SEMA3A: variants seen among roughly 807,000 people sequenced by gnomAD.
The protein encoded by SEMA3A is semaphorin-3A.
In SEMA3A, 29 loss-of-function variants were observed where a neutral mutation model predicts 97.9. The observed-to-expected ratio is 0.30, with a 90% CI of 0.22 to 0.40. The LOEUF (loss-of-function observed/expected upper bound fraction) is 0.40, where lower values mean the gene tolerates loss of function less well. Ranked by LOEUF, SEMA3A falls within the 10% of genes least tolerant of loss-of-function variation. The pLI is 1.00. For missense variants in SEMA3A, 763 were observed against 951.3 expected (o/e 0.80, Z 2.60); for synonymous variants, 321 against 323.7 (o/e 0.99, Z 0.09).
chr7:84,142,407 C>G (rs1446043596), intron 1 of SEMA3A, among the ~76,000 whole-genome samples: 1 of 151,962 alleles, frequency 6.6e-6, no homozygotes, highest in Admixed American at 6.6e-5. Flanking sequence ...GAGTTCATTC[C>G]CATTTTTTTC....
chr7:84,096,872 T>C (rs1023462764), intron 4 of SEMA3A, among the ~76,000 whole-genome samples: 2 of 152,134 alleles, frequency 1.3e-5, no homozygotes, highest in Non-Finnish European at 2.9e-5. Flanking sequence ...TAAATTATTA[T>C]ACATTTCTAG....
intron 6 of SEMA3A, among the ~76,000 whole-genome samples, chr7:84,037,900 T>C (rs1791998574): frequency 6.6e-6 from 1 of 152,112 alleles, no homozygotes; most frequent in South Asian, 2.1e-4. Context: ...CTAATTTCTT[T>C]AGTCATGTAG....
intron 3 of SEMA3A, among the ~76,000 whole-genome samples, chr7:84,266,202 TC>T (rs568283817): frequency 2.7e-5 from 4 of 147,196 alleles, no homozygotes; most frequent in Non-Finnish European, 5.9e-5. Context: ...ACTCCTGTAA[TC>T]CCAGCTACTC....
intron 1 of SEMA3A, among the ~76,000 whole-genome samples, chr7:84,139,147 G>A (rs1796226381): frequency 6.6e-6 from 1 of 152,054 alleles, no homozygotes; most frequent in Admixed American, 6.6e-5. Context: ...AATGTGAAAT[G>A]TGTGTTATTC....
At chr7:84,251,245 T>C (rs1014067366) in intron 3 of SEMA3A, among the ~76,000 whole-genome samples, 1 of 152,216 alleles carries the variant, frequency 6.6e-6, no homozygotes, top group Non-Finnish European at 1.5e-5. Context: ...TCAGAAGCAT[T>C]GGTTAAAATG....
chr7:84,124,741 A>T (rs1795739261), intron 3 of SEMA3A, among the ~76,000 whole-genome samples: 1 of 152,158 alleles, frequency 6.6e-6, no homozygotes, highest in South Asian at 2.1e-4. Context: ...TCCAATAGCT[A>T]TTTCTAAAAT....
intron 1 of SEMA3A, among the ~76,000 whole-genome samples, chr7:84,429,139 A>G (rs1330590791): frequency 6.6e-6 from 1 of 152,034 alleles, no homozygotes; most frequent in African/African-American, 2.4e-5. Flanking sequence ...GCTGAGATCA[A>G]TTAGCATAAT....
chr7:83,991,392 T>C (rs1789922278), intron 12 of SEMA3A, among the ~76,000 whole-genome samples: 1 of 151,618 alleles, frequency 6.6e-6, no homozygotes, highest in Non-Finnish European at 1.5e-5. Context: ...ATCCCTGTCT[T>C]GTGCCAGTTT....
At chr7:84,390,953 C>G (rs1803553953) in intron 1 of SEMA3A, among the ~76,000 whole-genome samples, 1 of 152,068 alleles carries the variant, frequency 6.6e-6, no homozygotes, top group African/African-American at 2.4e-5. Flanking sequence ...AGTTTGAAAG[C>G]AAAGAGAAAA....
intron 2 of SEMA3A, among the ~76,000 whole-genome samples, chr7:84,359,716 G>T (rs1584263523): frequency 1.3e-5 from 2 of 151,986 alleles, no homozygotes; most frequent in Admixed American, 6.6e-5. Flanking sequence ...AGGAATGGGA[G>T]GAGCTCCTCC....
At chr7:84,344,173 G>A (rs910785265) in intron 2 of SEMA3A, among the ~76,000 whole-genome samples, 12 of 152,168 alleles carry the variant, frequency 7.9e-5, no homozygotes, top group South Asian at 2.1e-4. Flanking sequence ...ATGTTTGTCC[G>A]TATACTCAGT....
intron 2 of SEMA3A, among the ~76,000 whole-genome samples, chr7:84,348,800 TG>T (rs1275487499): frequency 2.6e-5 from 4 of 152,090 alleles, no homozygotes; most frequent in Non-Finnish European, 4.4e-5. Flanking sequence ...CTGGCCAACA[TG>T]GTGAAACCCC....
At chr7:84,252,784 C>T (rs35929449) in intron 3 of SEMA3A, among the ~76,000 whole-genome samples, 8,694 of 152,134 alleles carry the variant, frequency 0.057, 285 homozygotes, top group African/African-American at 0.095. Context: ...TTTTAAAATG[C>T]GAAGTGTAAT....
At chr7:84,339,950 A>G (rs535470372) in intron 2 of SEMA3A, among the ~76,000 whole-genome samples, 2 of 152,242 alleles carry the variant, frequency 1.3e-5, no homozygotes, top group East Asian at 3.9e-4. Context: ...TAATCCTCAA[A>G]TCATCACATA....
At chr7:84,161,845 C>T (rs1407904595) in intron 1 of SEMA3A, among the ~76,000 whole-genome samples, 2 of 152,058 alleles carry the variant, frequency 1.3e-5, no homozygotes, top group Non-Finnish European at 2.9e-5. Flanking sequence ...TTAAAATATT[C>T]TAGAAAAACT....
intron 1 of SEMA3A, among the ~76,000 whole-genome samples, chr7:84,395,981 T>C (rs1242464495): frequency 6.6e-6 from 1 of 152,064 alleles, no homozygotes. Context: ...AAACAATTCA[T>C]TGCATTAAAG....
chr7:84,242,615 A>T (rs12540147), intron 3 of SEMA3A, among the ~76,000 whole-genome samples: 52,462 of 151,932 alleles, frequency 0.35, 10,230 homozygotes, highest in Non-Finnish European at 0.46. Context: ...TACCCCTTGA[A>T]TACCCTATGT....
chr7:84,141,487 G>C (rs913858356), intron 1 of SEMA3A, among the ~76,000 whole-genome samples: 2 of 152,030 alleles, frequency 1.3e-5, no homozygotes, highest in Non-Finnish European at 2.9e-5. Context: ...ATGAATAATT[G>C]TTTTTACTTG....
At chr7:84,239,287 G>GTAAAACATTAGGTGTTTTATC (rs1799307014) in intron 3 of SEMA3A, among the ~76,000 whole-genome samples, 1 of 151,906 alleles carries the variant, frequency 6.6e-6, no homozygotes. Context: ...TTTTTGATTT[G>GTAAAACATTAGGTGTTTTATC]TAAAACATTA....
Sources: allele counts gnomAD v4.1 joint callset (sites outside exome capture counted in the v4.1 genomes callset), GRCh38; gene constraint gnomAD v4.1.1; transcripts MANE v1.5; gene names NCBI Gene and HGNC (gene_info 2026-07-23, HGNC 2026-07-21).